PTPRM: variants seen among roughly 807,000 people sequenced by gnomAD.
PTPRM encodes receptor-type tyrosine-protein phosphatase mu.
A neutral mutation model predicts 186.7 loss-of-function variants in PTPRM; 47 were observed. The ratio of observed to expected loss-of-function variants is 0.25; its 90% CI spans 0.20 to 0.32. The LOEUF is 0.32. Ranked by LOEUF, PTPRM falls within the 10% of genes least tolerant of loss-of-function variation. The probability of loss-of-function intolerance (pLI) is 1.00; values close to 1 mark genes in which losing one functional copy is unlikely to be tolerated. For synonymous variants in PTPRM, 668 were observed against 674.9 expected, an observed-to-expected ratio of 0.99 and a Z score of 0.16; for missense variants, 1,494 against 1,865.0, an observed-to-expected ratio of 0.80 and a Z score of 3.66.
At chr18:8,175,652 A>G (rs1002639081) in intron 14 of PTPRM, among the ~76,000 whole-genome samples, 18 of 152,210 alleles carry the variant, frequency 1.2e-4, no homozygotes, top group Non-Finnish European at 2.4e-4. Context: ...CAAATGTTTA[A>G]AGCTAATGAA....
intron 2 of PTPRM, among the ~76,000 whole-genome samples, chr18:7,787,811 G>T (rs983326055): frequency 6.6e-6 from 1 of 152,170 alleles, no homozygotes; most frequent in Admixed American, 6.5e-5. Flanking sequence ...GTTCAAGTGG[G>T]TAATATCTAC....
At chr18:8,165,674 T>C (rs1377988193) in intron 14 of PTPRM, among the ~76,000 whole-genome samples, 1 of 152,180 alleles carries the variant, frequency 6.6e-6, no homozygotes, top group Non-Finnish European at 1.5e-5. Context: ...GAGTGAAATA[T>C]GGGTAGTGTC....
At chr18:7,922,344 C>A (rs958347980) in intron 4 of PTPRM, among the ~76,000 whole-genome samples, 2 of 152,212 alleles carry the variant, frequency 1.3e-5, no homozygotes, top group Admixed American at 6.5e-5. Context: ...AGTCCTGCTG[C>A]CCCGTACCTT....
chr18:8,376,268 A>T, intron 25 of PTPRM, 68 bp downstream of exon 25: 1 of 1,573,830 alleles, frequency 6.4e-7, no homozygotes, highest in Non-Finnish European at 8.6e-7. Context: ...ACCTTTGGGG[A>T]TGATGAGTAT....
intron 1 of PTPRM, among the ~76,000 whole-genome samples, chr18:7,720,700 A>G (rs2040430234): frequency 6.6e-6 from 1 of 152,156 alleles, no homozygotes; most frequent in Non-Finnish European, 1.5e-5. Context: ...TGACTACTCT[A>G]GGTATCCCAT....
chr18:7,677,959 G>A (rs769659456), intron 1 of PTPRM, among the ~76,000 whole-genome samples: 5 of 152,052 alleles, frequency 3.3e-5, no homozygotes, highest in Non-Finnish European at 7.4e-5. Flanking sequence ...ACAGAGACAG[G>A]ATCTCTGTAC....
chr18:7,740,098 T>C (rs1242315581), intron 1 of PTPRM, among the ~76,000 whole-genome samples: 2 of 152,262 alleles, frequency 1.3e-5, no homozygotes, highest in Non-Finnish European at 2.9e-5. Flanking sequence ...GGAACAGTAC[T>C]GAACATTTCT....
At chr18:7,809,909 C>T (rs931655173) in intron 2 of PTPRM, among the ~76,000 whole-genome samples, 1 of 152,178 alleles carries the variant, frequency 6.6e-6, no homozygotes. Context: ...CTATAAAATT[C>T]TGAAGAAAAC....
At chr18:8,308,140 T>A (rs2095240698) in intron 20 of PTPRM, among the ~76,000 whole-genome samples, 1 of 152,214 alleles carries the variant, frequency 6.6e-6, no homozygotes, top group Non-Finnish European at 1.5e-5. Context: ...TTAGCCAGGT[T>A]TATTTGAGCA....
chr18:8,162,019 G>A (rs944876157), intron 14 of PTPRM, among the ~76,000 whole-genome samples: 14 of 151,972 alleles, frequency 9.2e-5, no homozygotes, highest in Non-Finnish European at 1.5e-4. Context: ...AATTCCTCTG[G>A]ACTCTTGTTG....
intron 2 of PTPRM, among the ~76,000 whole-genome samples, chr18:7,795,562 T>TA (rs2043587081): frequency 6.6e-6 from 1 of 152,114 alleles, no homozygotes; most frequent in South Asian, 2.1e-4. Context: ...GTGAGAGTGT[T>TA]ATGATGGTCA....
chr18:7,873,150 A>G (rs997105426), intron 2 of PTPRM, among the ~76,000 whole-genome samples: 2 of 152,320 alleles, frequency 1.3e-5, no homozygotes, highest in Admixed American at 6.5e-5. Context: ...CCATACTGTC[A>G]TCATAAGCAT....
intron 21 of PTPRM, among the ~76,000 whole-genome samples, chr18:8,317,855 T>C (rs2095320531): frequency 6.6e-6 from 1 of 152,186 alleles, no homozygotes; most frequent in Non-Finnish European, 1.5e-5. Flanking sequence ...GGCACCTTGT[T>C]AGGCCCTCGG....
At position 8,280,433 on chromosome 18, in the gene PTPRM, C is replaced by CTGAGAAT. The variant is rs2094890608; in HGVS notation, c.2755-15933_2755-15932insAGAATTG. Among the ~76,000 whole-genome samples the CTGAGAAT allele has an allele frequency of 1.3e-5, 2 of 151,358 alleles. 1 individual carries two copies. The highest frequency in any genetic ancestry group is 4.2e-4 in the South Asian group (2 of 4,770). Reference sequence around the variant, plus strand: ...GGTGGGGGGGGGGTCACAATTCAGCCTGTGACACTGAGAAATCATATTCTT... The same window carrying CTGAGAAT: ...GGTGGGGGGGGGGTCACAATTCAGCCTGAGAATTGTGACACTGAGAAATCATATTCTT... On this transcript the variant is annotated intron_variant, in intron 19 of 32. Transcript: ENST00000580170.
chr18:8,176,472 A>G (rs1293378256), intron 14 of PTPRM, among the ~76,000 whole-genome samples: 1 of 152,236 alleles, frequency 6.6e-6, no homozygotes. Context: ...TTTATTCACA[A>G]TGTCCCTGTG....
At chr18:7,824,936 T>C (rs968161966) in intron 2 of PTPRM, among the ~76,000 whole-genome samples, 1 of 152,186 alleles carries the variant, frequency 6.6e-6, no homozygotes, top group Non-Finnish European at 1.5e-5. Flanking sequence ...CTATTGTATT[T>C]TCCAGACTTA....
chr18:8,373,871 T>G (rs1395914534), intron 24 of PTPRM, among the ~76,000 whole-genome samples: 1 of 148,732 alleles, frequency 6.7e-6, no homozygotes, highest in African/African-American at 2.5e-5. Flanking sequence ...GGCAACAGAA[T>G]GAGACCCTGT....
chr18:8,131,760 A>G (rs1304198211), intron 13 of PTPRM, among the ~76,000 whole-genome samples: 1 of 152,256 alleles, frequency 6.6e-6, no homozygotes, highest in African/African-American at 2.4e-5. Context: ...GGGAATGAGA[A>G]GTCTTACTTA....
chr18:8,300,999 C>T (rs1240163926), intron 20 of PTPRM, among the ~76,000 whole-genome samples: 2 of 152,136 alleles, frequency 1.3e-5, no homozygotes, highest in African/African-American at 4.8e-5. Flanking sequence ...AATAGTATTA[C>T]CATCCCCTGC....
Sources: allele counts gnomAD v4.1 joint callset (sites outside exome capture counted in the v4.1 genomes callset), GRCh38; gene constraint gnomAD v4.1.1; transcripts MANE v1.5; gene names NCBI Gene and HGNC (gene_info 2026-07-23, HGNC 2026-07-21).